NCOA3: variants seen among roughly 807,000 people sequenced by gnomAD.
NCOA3 encodes CBP-interacting protein.
NCOA3 carries 51 observed loss-of-function variants against 158.8 expected under a neutral mutation model. That is an observed-to-expected ratio of 0.32 (90% CI 0.26 to 0.41). The LOEUF is 0.41. Ranked by LOEUF, NCOA3 falls within the 10% of genes least tolerant of loss-of-function variation. The pLI, the probability that NCOA3 is intolerant of heterozygous loss-of-function variation, is 1.00. For synonymous variants in NCOA3, 537 were observed against 592.4 expected, an observed-to-expected ratio of 0.91 and a Z score of 1.36; for missense variants, 1,510 against 1,746.6, an observed-to-expected ratio of 0.86 and a Z score of 2.41.
chr20:47,617,156 A>G (rs540845107), intron 2 of NCOA3, among the ~76,000 whole-genome samples: 3 of 152,216 alleles, frequency 2.0e-5, no homozygotes, highest in South Asian at 4.2e-4. Flanking sequence ...GGGTTTCACC[A>G]TGTTGGCCAG....
chr20:47,650,775 C>G (rs1021744154), intron 19 of NCOA3, among the ~76,000 whole-genome samples: 2 of 151,814 alleles, frequency 1.3e-5, no homozygotes, highest in Non-Finnish European at 2.9e-5. Flanking sequence ...AGGCAGAAGA[C>G]TCACTTGAAC....
intron 1 of NCOA3, among the ~76,000 whole-genome samples, chr20:47,568,301 T>C (rs146801171): frequency 1.9e-3 from 291 of 152,256 alleles, no homozygotes; most frequent in African/African-American, 6.7e-3. Flanking sequence ...TCTGTACTTT[T>C]TTTCTGTTAT....
At position 47,530,450 on chromosome 20, in the gene NCOA3, T is replaced by C. The variant is rs151276331; in HGVS notation, c.-99+28431T>C. 2.5e-3 allele frequency among the ~76,000 whole-genome samples: 378 copies of C among 150,452 alleles called. 4 individuals carry two copies. Among genetic ancestry groups the C allele is most frequent in the African/African-American group, 9.0e-3 (366 of 40,750 alleles). On this transcript the variant is annotated intron_variant, in intron 1 of 22. Transcript: ENST00000371998. ...ATTTTGGTTTGATTCAATAAATTTT[T>C]AATGATTTAACTTTTTTTTTTTTTT...
chr20:47,569,253 G>C (rs1210332428), intron 1 of NCOA3, among the ~76,000 whole-genome samples: 1 of 151,350 alleles, frequency 6.6e-6, no homozygotes, highest in Admixed American at 6.6e-5. Context: ...AGGCTGAGGT[G>C]GGAGGACTGC....
chr20:47,614,901 A>G (rs559209685), intron 2 of NCOA3, among the ~76,000 whole-genome samples: 1 of 152,232 alleles, frequency 6.6e-6, no homozygotes, highest in African/African-American at 2.4e-5. Context: ...GGCTGTCATA[A>G]CCTCTCAGTG....
rs2085077341 is a variant in NCOA3 at position 47,560,336 on chromosome 20, CA to C, written c.-98-22844del. Among the ~76,000 whole-genome samples the C allele has an allele frequency of 2.6e-5, 4 of 152,310 alleles. No individual in the cohort carries two copies. The South Asian group carries it at 8.3e-4, about 32-fold the overall frequency. On this transcript the variant is annotated intron_variant, in intron 1 of 22. Transcript: ENST00000371998. ...AAGTGATTTGCCCGCCTTGTCTTCC[CA>C]AATTGCTGGGATTACAGATGTGAGC...
intron 20 of NCOA3, 78 bp from the exon 21 acceptor site, chr20:47,652,328 C>A (rs940714215): frequency 3.8e-5 from 50 of 1,301,692 alleles, no homozygotes; most frequent in East Asian, 1.2e-4. Flanking sequence ...AAAAAAAAAA[C>A]AAAATTACTA....
intron 2 of NCOA3, among the ~76,000 whole-genome samples, chr20:47,593,508 A>AT (rs1046029320): frequency 1.3e-5 from 2 of 149,884 alleles, no homozygotes; most frequent in East Asian, 2.0e-4. Flanking sequence ...CGCCCGGCTA[A>AT]TTTTTTTTGT....
rs559640512 is a variant in NCOA3 at position 47,613,640 on chromosome 20, C to T, written c.-19-8589C>T. Among the ~76,000 whole-genome samples, 71 of 152,176 alleles carry T rather than the reference C, an allele frequency of 4.7e-4. 1 individual carries two copies. The highest frequency in any genetic ancestry group is 2.3e-3 in the South Asian group (11 of 4,824). On this transcript the variant is annotated intron_variant, in intron 2 of 22. Coordinates refer to ENST00000371998, the MANE Select transcript of NCOA3 (RefSeq NM_181659.3). ...GAAAAATAAATAAGTAGGCCAGGCG[C>T]GGCGGCTCACGCCTGTAATCCCAGC...
intron 2 of NCOA3, among the ~76,000 whole-genome samples, chr20:47,617,121 A>G (rs1159109376): frequency 6.6e-6 from 1 of 151,964 alleles, no homozygotes; most frequent in Non-Finnish European, 1.5e-5. Context: ...ATGCCCAGCT[A>G]ATTTTTGTAT....
chr20:47,634,170 T>A lies in NCOA3; in HGVS notation c.1087T>A (p.Phe363Ile). Residue 363 changes from phenylalanine to isoleucine, a missense_variant, in exon 10 of 23, where the codon TTT becomes ATT. Phe to Ile is a conservative substitution (Grantham distance 21). Transcript: ENST00000371998. ...TCCTGTAACAAATGATCGACATGGC[T>A]TTGTCTCAACCCACTTCCTTCAGAG... ...RNPVTNDRHG[F>I]VSTHFLQREQ... 1 of 1,614,082 alleles carries A rather than the reference T, an allele frequency of 6.2e-7. No homozygotes were observed.
intron 2 of NCOA3, among the ~76,000 whole-genome samples, chr20:47,613,107 A>G (rs979988734): frequency 6.6e-6 from 1 of 152,256 alleles, no homozygotes; most frequent in Non-Finnish European, 1.5e-5. Flanking sequence ...CAATTTATAT[A>G]TTAAAAATAG....
intron 16 of NCOA3, among the ~76,000 whole-genome samples, chr20:47,641,190 G>A (rs561022244): frequency 6.6e-6 from 1 of 152,130 alleles, no homozygotes; most frequent in Non-Finnish European, 1.5e-5. Context: ...CCTTGTATGT[G>A]TTGGAGAACT....
intron 2 of NCOA3, among the ~76,000 whole-genome samples, chr20:47,603,288 T>A (rs2085892554): frequency 2.0e-5 from 3 of 152,254 alleles, no homozygotes; most frequent in African/African-American, 7.2e-5. Flanking sequence ...GAGAGTTCCC[T>A]GACCCCCCTC....
intron 1 of NCOA3, among the ~76,000 whole-genome samples, chr20:47,536,740 A>C (rs3092009): frequency 0.16 from 23,424 of 150,988 alleles, 2,827 homozygotes; most frequent in African/African-American, 0.33. Flanking sequence ...ATCCTCCTGC[A>C]TGGGCCTCCT....
chr20:47,653,163 A>G, intron 22 of NCOA3, 91 bp downstream of exon 22: 2 of 1,434,164 alleles, frequency 1.4e-6, no homozygotes, highest in South Asian at 1.3e-5. Context: ...TGTCCTAGGT[A>G]TATTTTAACT....
chr20:47,516,963 C>T (rs957292130), intron 1 of NCOA3, among the ~76,000 whole-genome samples: 2 of 151,654 alleles, frequency 1.3e-5, no homozygotes, highest in African/African-American at 4.8e-5. Context: ...TGACTCACAT[C>T]TATAATCCCA....
At chr20:47,533,783 A>G (rs372558433) in intron 1 of NCOA3, among the ~76,000 whole-genome samples, 18 of 152,196 alleles carry the variant, frequency 1.2e-4, no homozygotes, top group African/African-American at 4.1e-4. Flanking sequence ...AAATTAGCCC[A>G]GCATGGTGGC....
chr20:47,650,690 A>G (rs1465857205), intron 19 of NCOA3, among the ~76,000 whole-genome samples: 1 of 151,824 alleles, frequency 6.6e-6, no homozygotes, highest in Non-Finnish European at 1.5e-5. Flanking sequence ...ATGGTGAAGC[A>G]CTATCTCTAC....
Sources: gnomAD v4.1 joint callset for allele counts (sites outside exome capture counted in the v4.1 genomes callset) on GRCh38, gnomAD v4.1.1 for gene constraint, MANE v1.5 for transcripts, NCBI Gene and HGNC (gene_info 2026-07-23, HGNC 2026-07-21) for gene names.